ACOXL: variants seen among roughly 807,000 people sequenced by gnomAD.
ACOXL encodes acyl-coenzyme A oxidase-like protein.
Under a neutral mutation model 71.9 loss-of-function variants are expected in ACOXL, and 70 were observed. The ratio of observed to expected loss-of-function variants is 0.97; its 90% CI spans 0.80 to 1.19. The LOEUF is 1.19. Among genes scored for constraint, ACOXL ranks in the 50% most tolerant of loss-of-function variants. The pLI is 0.00. For synonymous variants in ACOXL, 253 were observed against 281.6 expected, an observed-to-expected ratio of 0.90 and a Z score of 1.02; for missense variants, 703 against 736.3, an observed-to-expected ratio of 0.95 and a Z score of 0.52.
rs548572959 is a variant in ACOXL at position 110,736,652 on chromosome 2, C to T, written c.-23+3878C>T. On this transcript the variant is annotated intron_variant, in intron 1 of 17. Transcript: ENST00000439055. Reference sequence around the variant, plus strand: ...TTTTTTTTTTTGAGACGGAGTCTCGCTCTGTGGCCCAGGCTGGAGTGCAGT... The same window carrying T: ...TTTTTTTTTTTGAGACGGAGTCTCGTTCTGTGGCCCAGGCTGGAGTGCAGT... 1.2e-3 allele frequency among the ~76,000 whole-genome samples: 170 copies of T among 141,748 alleles called. 1 individual carries two copies. Among genetic ancestry groups the T allele is most frequent in the African/African-American group, 4.5e-3 (166 of 37,278 alleles). The allele number at this position is 141,748 out of a possible 152,430, so 93.0% of individuals were successfully genotyped here.
chr2:110,751,298 CAAAA>C (rs765632647), intron 1 of ACOXL, among the ~76,000 whole-genome samples: 1 of 44,004 alleles, frequency 2.3e-5, no homozygotes. Context: ...GACTCCGTCT[CAAAA>C]AAAAAAAAAA....
At chr2:111,062,800 A>G (rs765950317) in intron 16 of ACOXL, among the ~76,000 whole-genome samples, 12 of 152,118 alleles carry the variant, frequency 7.9e-5, no homozygotes, top group Non-Finnish European at 1.3e-4. Flanking sequence ...AGAAGTAAGT[A>G]AATAATAAAG....
chr2:110,889,924 T>C (rs1697748361), intron 10 of ACOXL, among the ~76,000 whole-genome samples: 1 of 152,208 alleles, frequency 6.6e-6, no homozygotes, highest in East Asian at 1.9e-4. Flanking sequence ...TTATATATTC[T>C]CACCAAGCAG....
chr2:110,995,578 A>C (rs1224687683), intron 13 of ACOXL, among the ~76,000 whole-genome samples: 1 of 151,186 alleles, frequency 6.6e-6, no homozygotes, highest in African/African-American at 2.4e-5. Context: ...ACTTGACAGA[A>C]ATTACATTGC....
At chr2:110,828,407 A>G (rs992101051) in intron 9 of ACOXL, among the ~76,000 whole-genome samples, 1 of 152,212 alleles carries the variant, frequency 6.6e-6, no homozygotes, top group African/African-American at 2.4e-5. Flanking sequence ...CAATACTGTC[A>G]TGACTCTTTA....
chr2:111,073,948 G>A (rs1200013717), intron 16 of ACOXL, among the ~76,000 whole-genome samples: 2 of 152,140 alleles, frequency 1.3e-5, no homozygotes, highest in Non-Finnish European at 2.9e-5. Flanking sequence ...TAAGGATGAT[G>A]TACATGTTTT....
At chr2:110,733,787 A>G (rs1016023884) in intron 1 of ACOXL, among the ~76,000 whole-genome samples, 2 of 152,094 alleles carry the variant, frequency 1.3e-5, no homozygotes, top group African/African-American at 2.4e-5. Flanking sequence ...TGTCTCGCCG[A>G]CTTCTCTTTC....
intron 10 of ACOXL, among the ~76,000 whole-genome samples, chr2:110,849,619 G>A (rs1175401073): frequency 1.3e-5 from 2 of 152,142 alleles, no homozygotes; most frequent in African/African-American, 4.8e-5. Flanking sequence ...TTAGCCAGGC[G>A]TGGTGGCACG....
At chr2:110,754,311 A>G (rs1679389407) in intron 1 of ACOXL, among the ~76,000 whole-genome samples, 1 of 152,004 alleles carries the variant, frequency 6.6e-6, no homozygotes. Context: ...GGCTCAAGCA[A>G]TTCTTGTGCC....
In ACOXL at chr2:110,788,881, G is replaced by A. The variant is rs576944315; in HGVS notation, c.159+4066G>A. On this transcript the variant is annotated intron_variant, in intron 3 of 17. Transcript: ENST00000439055. ...GGTGTGCTGGGAACAGTTCCTGTGA[G>A]CTCTGGGTCAGTCAGGGGTTCCCCA... Among the ~76,000 whole-genome samples the A allele has an allele frequency of 9.2e-5, 14 of 152,324 alleles. No homozygotes were observed. In the South Asian group the frequency reaches 2.9e-3, roughly 32 times the overall value.
intron 2 of ACOXL, among the ~76,000 whole-genome samples, chr2:110,780,540 CAGTTTCACTAAAG>C (rs949074978): frequency 2.0e-5 from 3 of 152,198 alleles, no homozygotes; most frequent in African/African-American, 7.2e-5. Flanking sequence ...GGAAGCAACC[CAGTTTCACTAAAG>C]AGTTTTGTTT....
chr2:110,965,835 C>G (rs2061901911), intron 12 of ACOXL, among the ~76,000 whole-genome samples: 1 of 152,156 alleles, frequency 6.6e-6, no homozygotes, highest in Non-Finnish European at 1.5e-5. Context: ...GCAATAAGGT[C>G]TCTGGATTTC....
intron 14 of ACOXL, among the ~76,000 whole-genome samples, chr2:111,010,861 T>G (rs920730509): frequency 1.3e-5 from 2 of 152,180 alleles, no homozygotes; most frequent in African/African-American, 4.8e-5. Context: ...CATATGTGTA[T>G]GTATTAAAAT....
chr2:111,073,148 A>G (rs1037424173), intron 16 of ACOXL, among the ~76,000 whole-genome samples: 1 of 152,228 alleles, frequency 6.6e-6, no homozygotes. Context: ...TAGATTCTAA[A>G]TACAAATTCT....
chr2:111,105,678 C>G (rs905523850), intron 17 of ACOXL, among the ~76,000 whole-genome samples: 1 of 151,936 alleles, frequency 6.6e-6, no homozygotes, highest in African/African-American at 2.4e-5. Context: ...TATGTTTTAT[C>G]AACATATATT....
chr2:110,779,173 C>A (rs2105108697), intron 2 of ACOXL, among the ~76,000 whole-genome samples: 1 of 152,292 alleles, frequency 6.6e-6, no homozygotes, highest in African/African-American at 2.4e-5. Context: ...TTCATCAATC[C>A]TGCACTGGGC....
intron 1 of ACOXL, among the ~76,000 whole-genome samples, chr2:110,756,189 C>T (rs1017836681): frequency 6.6e-5 from 10 of 152,076 alleles, no homozygotes; most frequent in African/African-American, 1.7e-4. Context: ...TGCAATGGCA[C>T]GATCTCGGCT....
At chr2:110,862,765 G>A (rs1386035656) in intron 10 of ACOXL, among the ~76,000 whole-genome samples, 2 of 152,196 alleles carry the variant, frequency 1.3e-5, no homozygotes, top group African/African-American at 2.4e-5. Flanking sequence ...CCTCCTGGCC[G>A]AGTGAAACCC....
chr2:111,096,215 T>C (rs1249185329), intron 17 of ACOXL, among the ~76,000 whole-genome samples: 1 of 134,898 alleles, frequency 7.4e-6, no homozygotes, highest in Non-Finnish European at 1.6e-5. Context: ...TTAGAATTTT[T>C]ATTTTTAAAA....
Sources: gnomAD v4.1 joint callset for allele counts (sites outside exome capture counted in the v4.1 genomes callset) on GRCh38, gnomAD v4.1.1 for gene constraint, MANE v1.5 for transcripts, NCBI Gene and HGNC (gene_info 2026-07-23, HGNC 2026-07-21) for gene names.